The following SH3GL3 variants were observed in gnomAD, a reference collection of about 807,000 sequenced individuals.
The protein encoded by SH3GL3 is SH3 domain containing GRB2 like 3, endophilin A3, also known as endophilin-A3.
SH3GL3 carries 33 observed loss-of-function variants against 47.7 expected under a neutral mutation model. That is an observed-to-expected ratio of 0.69 (90% CI 0.52 to 0.92). The LOEUF (loss-of-function observed/expected upper bound fraction) is 0.92, where lower values mean the gene tolerates loss of function less well. Among genes scored for constraint, SH3GL3 ranks in the 40% least tolerant of loss-of-function variants. The probability of loss-of-function intolerance (pLI) is 0.00; values close to 1 mark genes in which losing one functional copy is unlikely to be tolerated. For missense variants in SH3GL3, 363 were observed against 417.8 expected (o/e 0.87, Z 1.14); for synonymous variants, 155 against 148.8 (o/e 1.04, Z -0.30).
intron 8 of SH3GL3, among the ~76,000 whole-genome samples, chr15:83,595,621 T>G (rs1339379115): frequency 5.2e-5 from 2 of 38,196 alleles, no homozygotes; most frequent in African/African-American, 1.7e-4. Context: ...ACTCCTTGTT[T>G]TTTTTTTTTT....
intron 3 of SH3GL3, among the ~76,000 whole-genome samples, chr15:83,567,935 T>C (rs1405954816): frequency 6.6e-6 from 1 of 151,666 alleles, no homozygotes; most frequent in Admixed American, 6.6e-5. Flanking sequence ...TTATTTCAAG[T>C]CAGCAATGTG....
At chr15:83,485,043 C>T (rs541024337) in intron 1 of SH3GL3, among the ~76,000 whole-genome samples, 1 of 152,254 alleles carries the variant, frequency 6.6e-6, no homozygotes, top group East Asian at 1.9e-4. Flanking sequence ...TGCAGATAAT[C>T]TCTCTGTCTC....
intron 1 of SH3GL3, among the ~76,000 whole-genome samples, chr15:83,494,202 G>A (rs868426325): frequency 1.3e-5 from 2 of 152,216 alleles, no homozygotes; most frequent in South Asian, 4.1e-4. Flanking sequence ...GCCAGGCTTT[G>A]GGTGGCAGGA....
the SH3GL3 span, among the ~76,000 whole-genome samples, chr15:83,624,099 T>C: frequency 6.6e-6 from 1 of 152,304 alleles, no homozygotes. Flanking sequence ...ATCTTCCAAA[T>C]CTACATATGT....
At chr15:83,480,741 A>G (rs1327648007) in intron 1 of SH3GL3, among the ~76,000 whole-genome samples, 1 of 152,200 alleles carries the variant, frequency 6.6e-6, no homozygotes, top group East Asian at 1.9e-4. Context: ...TTTATTTAGC[A>G]TTTACATTAT....
intron 1 of SH3GL3, chr15:83,491,000 AGATCTTCAT>A (rs1321958056): frequency 8.9e-6 from 14 of 1,569,364 alleles, no homozygotes; most frequent in Admixed American, 3.8e-5. Context: ...AAGAAGGTAC[AGATCTTCAT>A]GGTGAAAAGT....
the SH3GL3 span, among the ~76,000 whole-genome samples, chr15:83,628,851 A>C: frequency 6.6e-6 from 1 of 152,188 alleles, no homozygotes; most frequent in East Asian, 1.9e-4. Context: ...AAAAAAAAAC[A>C]ACCAAAAAAC....
intron 8 of SH3GL3, among the ~76,000 whole-genome samples, chr15:83,602,303 A>G (rs1487021942): frequency 6.6e-6 from 1 of 152,224 alleles, no homozygotes; most frequent in Non-Finnish European, 1.5e-5. Flanking sequence ...TCCAGTTGTA[A>G]TGGCATCTTA....
chr15:83,569,803 G>A (rs1401722182), intron 4 of SH3GL3, among the ~76,000 whole-genome samples: 4 of 152,132 alleles, frequency 2.6e-5, no homozygotes, highest in African/African-American at 9.7e-5. Context: ...GTTTGTCATT[G>A]TTTTTGTGAA....
chr15:83,559,567 C>T lies in SH3GL3; in HGVS notation c.114+246C>T, dbSNP rs143170702. ...TGGCTAACTGGTACCCTCTAGTGGCCAGAAGTCAGAATGTGCAAAAGATGG... is the reference window on the plus strand; with the variant it reads ...TGGCTAACTGGTACCCTCTAGTGGCTAGAAGTCAGAATGTGCAAAAGATGG... On this transcript the variant is annotated intron_variant, in intron 2 of 8. Transcript: ENST00000427482. 1.2e-4 allele frequency among the ~76,000 whole-genome samples: 18 copies of T among 152,204 alleles called. No individual in the cohort carries two copies. In the East Asian group the frequency reaches 3.5e-3, roughly 29 times the overall value.
At chr15:83,552,974 G>T (rs1021703398) in intron 1 of SH3GL3, among the ~76,000 whole-genome samples, 6 of 152,032 alleles carry the variant, frequency 3.9e-5, no homozygotes, top group African/African-American at 1.4e-4. Context: ...GCCTTAGGAA[G>T]GTATTTCTTA....
At chr15:83,520,552 A>C (rs1226516242) in intron 1 of SH3GL3, among the ~76,000 whole-genome samples, 1 of 152,098 alleles carries the variant, frequency 6.6e-6, no homozygotes, top group African/African-American at 2.4e-5. Context: ...AATTAGACTG[A>C]GGTTGCTGCA....
intron 1 of SH3GL3, among the ~76,000 whole-genome samples, chr15:83,558,732 G>C (rs112974650): frequency 2.6e-5 from 4 of 152,182 alleles, no homozygotes; most frequent in African/African-American, 7.2e-5. Flanking sequence ...CCGATGAAAT[G>C]TTCTCTATCC....
chr15:83,494,652 C>G (rs771399997), intron 1 of SH3GL3, among the ~76,000 whole-genome samples: 1 of 151,702 alleles, frequency 6.6e-6, no homozygotes, highest in African/African-American at 2.4e-5. Context: ...AAGCGATTCT[C>G]CTGCCTCAGG....
At chr15:83,450,912 G>C (rs1259518860) in intron 1 of SH3GL3, among the ~76,000 whole-genome samples, 1 of 129,980 alleles carries the variant, frequency 7.7e-6, no homozygotes, top group African/African-American at 2.9e-5. Context: ...CCACTAAAGT[G>C]TCATCTAGCA....
chr15:83,598,899 C>T (rs1287017762), intron 8 of SH3GL3, among the ~76,000 whole-genome samples: 2 of 152,102 alleles, frequency 1.3e-5, no homozygotes, highest in African/African-American at 2.4e-5. Context: ...GCATGTGGTA[C>T]TAGTTTTCAG....
At chr15:83,456,317 T>C (rs1479083053) in intron 1 of SH3GL3, among the ~76,000 whole-genome samples, 1 of 24,308 alleles carries the variant, frequency 4.1e-5, no homozygotes, top group African/African-American at 1.5e-4. Flanking sequence ...CAGGCCTCCT[T>C]GAGCTGTGGT....
chr15:83,563,126 G>T (rs982907102), intron 2 of SH3GL3, among the ~76,000 whole-genome samples: 2 of 152,146 alleles, frequency 1.3e-5, no homozygotes, highest in Non-Finnish European at 2.9e-5. Flanking sequence ...TTGTGACCCT[G>T]GCAGGATCAT....
At chr15:83,622,602 G>A (rs2060917997), downstream of SH3GL3, among the ~76,000 whole-genome samples, 1 of 152,256 alleles carries the variant, frequency 6.6e-6, no homozygotes, top group African/African-American at 2.4e-5. Flanking sequence ...TGCCAAGGAG[G>A]AGATGCAAGG....
Sources: gnomAD v4.1 joint callset for allele counts (sites outside exome capture counted in the v4.1 genomes callset) on GRCh38, gnomAD v4.1.1 for gene constraint, MANE v1.5 for transcripts, NCBI Gene and HGNC (gene_info 2026-07-23, HGNC 2026-07-21) for gene names.